Variants in ZNF736 observed in about 807,000 individuals in gnomAD.
ZNF736 encodes zinc finger protein 736, also known as KRAB-containing zinc-finger repressor protein.
In ZNF736, 6 loss-of-function variants were observed where a neutral mutation model predicts 11.7. The observed-to-expected ratio is 0.51, with a 90% CI of 0.28 to 1.01. The LOEUF is 1.01. Among genes scored for constraint, ZNF736 ranks in the 50% least tolerant of loss-of-function variants. The pLI, the probability that ZNF736 is intolerant of heterozygous loss-of-function variation, is 0.09. For synonymous variants in ZNF736, 139 were observed against 164.7 expected (o/e 0.84, Z 1.19); for missense variants, 444 against 496.0 (o/e 0.90, Z 1.00).
At chr7:64,341,127 A>G (rs1365695675) in intron 3 of ZNF736, among the ~76,000 whole-genome samples, 1 of 152,078 alleles carries the variant, frequency 6.6e-6, no homozygotes, top group East Asian at 1.9e-4. Context: ...TGACTCTACA[A>G]AATTTTTCAA....
intron 3 of ZNF736, among the ~76,000 whole-genome samples, chr7:64,337,755 G>GTTTTTTTTTTTTTTT (rs147991832): frequency 3.5e-5 from 3 of 86,250 alleles, no homozygotes; most frequent in East Asian, 4.2e-4. Context: ...TGTTTTTTTT[G>GTTTTTTTTTTTTTTT]GTTTTTTTTT....
rs748202341 is a variant in ZNF736 at position 64,348,637 on chromosome 7, A to G, written c.774A>G (p.Lys258=). ...KRNHTGDRPY[K]CEECGKAFKC... ...ATCATACTGGAGACAGACCCTACAA[A>G]TGTGAAGAATGTGGCAAAGCCTTTA... The change falls in exon 4 of 4, where the codon AAA becomes AAG. Residue 258 remains lysine, a synonymous_variant. Transcript: ENST00000423484. 1.1e-4 allele frequency: 174 copies of G among 1,606,806 alleles called. No homozygotes were observed. The African/African-American group carries it at 2.0e-3, about 19-fold the overall frequency.
rs183655683 is a variant in ZNF736 at position 64,329,537 on chromosome 7, G to T, written c.4-6722G>T. On this transcript the variant is annotated intron_variant, in intron 1 of 3. Transcript: ENST00000423484. ...TAGAGGTACCACTTTGGTGGTCATA[G>T]GTAAGATCCAAGAGAGTCTCTGGGT... Among the ~76,000 whole-genome samples, 508 of 152,232 alleles carry T rather than the reference G, an allele frequency of 3.3e-3. 2 individuals are homozygous for T. The highest frequency in any genetic ancestry group is 0.011 in the African/African-American group (441 of 41,550).
In ZNF736 at chr7:64,326,135, A is replaced by G. The variant is rs1234906667; in HGVS notation, c.4-10124A>G. On this transcript the variant is annotated intron_variant, in intron 1 of 3. Coordinates refer to ENST00000423484, the MANE Select transcript of ZNF736 (RefSeq NM_001170905.3). ...AAAAAAATTTTCTTTCTCTTGTACC[A>G]TTTTAGAGTGTCTCTGAAGTTGGAG... Among the ~76,000 whole-genome samples the G allele has an allele frequency of 2.0e-5, 3 of 152,190 alleles. No homozygotes were observed. In the East Asian group the frequency reaches 5.8e-4, roughly 29 times the overall value.
Position 64,348,769 on chromosome 7 carries a change from A to T in ZNF736, c.906A>T (p.Lys302Asn). 6.3e-7 allele frequency: 1 copy of T among 1,591,714 alleles called. No homozygotes were observed. Among genetic ancestry groups the T allele is most frequent in the Middle Eastern group, 1.7e-4 (1 of 6,038 alleles). ...ATAGGTGGTTCTCAGACCTTGCTAA[A>T]CATAAGATAATTCATACTGGAGACA... is the stretch of plus-strand genomic sequence containing the variant. ...KAYRWFSDLA[K>N]HKIIHTGDKP... Residue 302 changes from lysine to asparagine, a missense_variant, in exon 4 of 4, where the codon AAA (lysine) becomes AAT (asparagine). Coordinates refer to ENST00000423484, the MANE Select transcript of ZNF736 (RefSeq NM_001170905.3).
chr7:64,326,854 A>G (rs1789089758), intron 1 of ZNF736, among the ~76,000 whole-genome samples: 1 of 152,236 alleles, frequency 6.6e-6, no homozygotes, highest in South Asian at 2.1e-4. Context: ...TATAGTTTCG[A>G]AAGTTTTTTC....
rs986044441 is a variant in ZNF736, at chr7:64,352,474, C to T, written c.*3327C>T. 12 of 152,218 alleles carry T rather than the reference C, an allele frequency of 7.9e-5. No homozygotes were observed. The highest frequency in any genetic ancestry group is 2.9e-4 in the African/African-American group (12 of 41,450). 9.4% of individuals were successfully genotyped at this position (152,218 alleles called of 1,614,324 possible). A position where few individuals can be genotyped will look rare whatever the true frequency, so the allele number is the denominator to read the frequency against. On this transcript the variant is annotated 3_prime_UTR_variant, in exon 4 of 4. Transcript: ENST00000423484. ...TGCTATTCAGAGGTACCACTTCCAC[C>T]CCCAGTTTATTTGGATTCTCCAAAG...
At position 64,335,312 on chromosome 7, in the gene ZNF736, T is replaced by G. The variant is rs188743693; in HGVS notation, c.4-947T>G. ...ACTTAAAGTTTAAAAAAAAAAAAGTTTAGCCAAAAATTAGAGATTACAGAA... is the reference window on the plus strand; with the variant it reads ...ACTTAAAGTTTAAAAAAAAAAAAGTGTAGCCAAAAATTAGAGATTACAGAA... On this transcript the variant is annotated intron_variant, in intron 1 of 3. Coordinates refer to ENST00000423484, the MANE Select transcript of ZNF736 (RefSeq NM_001170905.3). Among the ~76,000 whole-genome samples the G allele has an allele frequency of 2.8e-3, 421 of 151,986 alleles. 4 individuals are homozygous for G. The highest frequency in any genetic ancestry group is 0.026 in the East Asian group (136 of 5,172).
rs184388736 is a variant in ZNF736, at chr7:64,349,349, T to A, written c.*202T>A. ...GCTATTATGTAATGCCCTTTTTTTT[T>A]AAATCTATGTTAATTTCAAGTCTGT... On this transcript the variant is annotated 3_prime_UTR_variant, in exon 4 of 4. Transcript: ENST00000423484. 9.1e-4 allele frequency: 371 copies of A among 406,990 alleles called. 2 individuals carry two copies. Among genetic ancestry groups the A allele is most frequent in the East Asian group, 5.5e-3 (150 of 27,236 alleles). 25.2% of individuals were successfully genotyped at this position (406,990 alleles called of 1,614,324 possible). A position where few individuals can be genotyped will look rare whatever the true frequency, so the allele number is the denominator to read the frequency against.
chr7:64,313,980 G>T lies in ZNF736; in HGVS notation c.-171G>T, dbSNP rs147835206. 8,753 of 827,648 alleles carry T rather than the reference G, an allele frequency of 0.011. 132 individuals carry two copies. The highest frequency in any genetic ancestry group is 0.04 in the South Asian group (2,464 of 61,550). The allele number at this position is 827,648 out of a possible 1,614,324, so 51.3% of individuals were successfully genotyped here. On this transcript the variant is annotated 5_prime_UTR_variant, in exon 1 of 4. Transcript: ENST00000423484. ...GAAGAGGCGGCCTCTTCAATATGGC[G>T]GGGCCTTTGTCTCCTAGCTTCCGGG...
rs763511662 is a variant in ZNF736 at position 64,332,417 on chromosome 7, G to A, written c.4-3842G>A. Among the ~76,000 whole-genome samples, 5 of 152,130 alleles carry A rather than the reference G, an allele frequency of 3.3e-5. 1 individual carries two copies. The South Asian group carries it at 1.0e-3, about 32-fold the overall frequency. ...AAGGGGAGGGGGTGTAAAACAGGGA[G>A]TAGGTACAAAGATCACATGCTTCAA... On this transcript the variant is annotated intron_variant, in intron 1 of 3. Transcript: ENST00000423484.
chr7:64,319,616 C>G (rs1315456967), intron 1 of ZNF736, among the ~76,000 whole-genome samples: 1 of 149,486 alleles, frequency 6.7e-6, no homozygotes, highest in Non-Finnish European at 1.5e-5. Flanking sequence ...CTGCCTCAGC[C>G]TCCCAAGTAG....
rs1203759977 is a variant in ZNF736 at position 64,349,848 on chromosome 7, G to A, written c.*701G>A. Reference sequence around the variant, plus strand: ...TTGGTCAGATATGAAATTCTGTGTTGGAATTCTTTTTTTAAGAATGTTGAA... The same window carrying A: ...TTGGTCAGATATGAAATTCTGTGTTAGAATTCTTTTTTTAAGAATGTTGAA... On this transcript the variant is annotated 3_prime_UTR_variant, in exon 4 of 4. Transcript: ENST00000423484. 6.6e-6 allele frequency: 1 copy of A among 152,104 alleles called. No individual in the cohort carries two copies. The highest frequency in any genetic ancestry group is 1.5e-5 in the Non-Finnish European group (1 of 68,036). The allele number at this position is 152,104 out of a possible 1,614,324, so 9.4% of individuals were successfully genotyped here.
chr7:64,329,421 T>C (rs1789128266), intron 1 of ZNF736, among the ~76,000 whole-genome samples: 1 of 152,132 alleles, frequency 6.6e-6, no homozygotes, highest in Non-Finnish European at 1.5e-5. Flanking sequence ...TCAAAGGGAA[T>C]TGAGTATTGT....
chr7:64,343,530 A>G (rs1789368042), intron 3 of ZNF736, among the ~76,000 whole-genome samples: 1 of 152,218 alleles, frequency 6.6e-6, no homozygotes, highest in Non-Finnish European at 1.5e-5. Flanking sequence ...CCATGTAACA[A>G]ACCTAGACAT....
intron 1 of ZNF736, among the ~76,000 whole-genome samples, chr7:64,335,020 C>T (rs1789225100): frequency 6.6e-6 from 1 of 151,854 alleles, no homozygotes; most frequent in Non-Finnish European, 1.5e-5. Flanking sequence ...TCATTCTCAG[C>T]AAACTAACAA....
chr7:64,347,391 A>G (rs144702193), intron 3 of ZNF736, among the ~76,000 whole-genome samples: 8,593 of 151,688 alleles, frequency 0.057, 502 homozygotes, highest in East Asian at 0.35. Context: ...ACGCCCTGCT[A>G]ATTTTTGTAT....
At chr7:64,315,075 A>G (rs1788893235) in intron 1 of ZNF736, among the ~76,000 whole-genome samples, 4 of 152,110 alleles carry the variant, frequency 2.6e-5, no homozygotes, top group Admixed American at 2.0e-4. Flanking sequence ...TTAGAAGTGT[A>G]CAGCACCCCA....
At position 64,319,351 on chromosome 7, in the gene ZNF736, A is replaced by G. The variant is rs1421978389; in HGVS notation, c.3+5198A>G. ...TGTATGTGTATATATATATATATAT[A>G]TATATATATATATATATATATATAT... is the stretch of plus-strand genomic sequence containing the variant. On this transcript the variant is annotated intron_variant, in intron 1 of 3. Transcript: ENST00000423484. Among the ~76,000 whole-genome samples, 128 of 107,318 alleles carry G rather than the reference A, an allele frequency of 1.2e-3. 2 individuals are homozygous for G. Among genetic ancestry groups the G allele is most frequent in the African/African-American group, 4.4e-3 (101 of 22,992 alleles). The allele number at this position is 107,318 out of a possible 152,430, so 70.4% of individuals were successfully genotyped here. A position where few individuals can be genotyped will look rare whatever the true frequency, so the allele number is the denominator to read the frequency against.
Sources: gnomAD v4.1 joint callset for allele counts (sites outside exome capture counted in the v4.1 genomes callset) on GRCh38, gnomAD v4.1.1 for gene constraint, MANE v1.5 for transcripts, NCBI Gene and HGNC (gene_info 2026-07-23, HGNC 2026-07-21) for gene names.